Variants in GALNT10 observed in about 807,000 individuals in gnomAD.
GALNT10 encodes polypeptide N-acetylgalactosaminyltransferase 10, also known as GalNAc transferase 10.
Under a neutral mutation model 75.0 loss-of-function variants are expected in GALNT10, and 41 were observed. That is an observed-to-expected ratio of 0.55 (90% CI 0.43 to 0.71). The LOEUF (loss-of-function observed/expected upper bound fraction) is 0.71, where lower values mean the gene tolerates loss of function less well. Among genes scored for constraint, GALNT10 ranks in the 30% least tolerant of loss-of-function variants. The pLI is 0.00. For missense variants in GALNT10, 727 were observed against 818.5 expected, an observed-to-expected ratio of 0.89 and a Z score of 1.36; for synonymous variants, 302 against 313.0, an observed-to-expected ratio of 0.96 and a Z score of 0.37.
chr5:154,333,022 T>A (rs566580195), intron 4 of GALNT10, among the ~76,000 whole-genome samples: 12 of 152,282 alleles, frequency 7.9e-5, no homozygotes, highest in African/African-American at 2.9e-4. Flanking sequence ...TTGTGCCTGC[T>A]CCTCAGAGCA....
chr5:154,339,444 G>A (rs1754996001), intron 4 of GALNT10, among the ~76,000 whole-genome samples: 1 of 150,962 alleles, frequency 6.6e-6, no homozygotes, highest in African/African-American at 2.5e-5. Context: ...AAACCTTTTG[G>A]TGGACATCTG....
At position 154,376,517 on chromosome 5, in the gene GALNT10, T is replaced by G. The variant is rs1455015365; in HGVS notation, c.754+55T>G. On this transcript the variant is annotated intron_variant, in intron 5 of 11. Transcript: ENST00000297107. This position sits in a 1 kb window ranked among gnomAD's most constrained non-coding sequence, Gnocchi z 4.1. The stretch of plus-strand genomic sequence containing the variant: ...GCAAACTGCAATGAGCCAGTGCCAG[T>G]GGCCCCCTCCTGCTGCAGGGAGCCA... 7.5e-7 allele frequency: 1 copy of G among 1,335,606 alleles called. No individual in the cohort carries two copies. Among genetic ancestry groups the G allele is most frequent in the African/African-American group, 1.5e-5 (1 of 67,848 alleles). The allele number at this position is 1,335,606 out of a possible 1,614,324, so 82.7% of individuals were successfully genotyped here.
intron 1 of GALNT10, among the ~76,000 whole-genome samples, chr5:154,230,042 G>A (rs7712631): frequency 0.41 from 62,286 of 151,688 alleles, 13,682 homozygotes; most frequent in East Asian, 0.84. Context: ...AGTCCAGTGG[G>A]AAAAAGGCAG....
intron 3 of GALNT10, among the ~76,000 whole-genome samples, chr5:154,312,452 G>GTATA: frequency 6.6e-6 from 1 of 152,150 alleles, no homozygotes; most frequent in African/African-American, 2.4e-5. Context: ...TGCTTATACA[G>GTATA]TATATAGAGA....
intron 1 of GALNT10, among the ~76,000 whole-genome samples, chr5:154,220,861 A>G (rs1348603000): frequency 6.6e-6 from 1 of 152,162 alleles, no homozygotes; most frequent in African/African-American, 2.4e-5. Flanking sequence ...GCTCCAGCCA[A>G]TTGCTTGGGA....
chr5:154,304,699 A>C (rs1754405866), intron 3 of GALNT10, among the ~76,000 whole-genome samples: 1 of 152,254 alleles, frequency 6.6e-6, no homozygotes, highest in Non-Finnish European at 1.5e-5. Context: ...TTAAAAGATA[A>C]TTGACTGTGT....
At chr5:154,379,232 C>T (rs1452560713) in intron 5 of GALNT10, among the ~76,000 whole-genome samples, 2 of 152,188 alleles carry the variant, frequency 1.3e-5, no homozygotes, top group Non-Finnish European at 2.9e-5. Flanking sequence ...GAAACATGTT[C>T]CTGAAAGAGT....
chr5:154,335,687 A>G (rs1268222113), intron 4 of GALNT10, among the ~76,000 whole-genome samples: 2 of 152,194 alleles, frequency 1.3e-5, no homozygotes, highest in African/African-American at 4.8e-5. Context: ...AACAAAACTA[A>G]GTAAAAAGTA....
intron 1 of GALNT10, among the ~76,000 whole-genome samples, chr5:154,265,656 C>A (rs1208236401): frequency 6.6e-6 from 1 of 152,170 alleles, no homozygotes; most frequent in African/African-American, 2.4e-5. Context: ...GAGCGAACAG[C>A]CTCCTTTTAC....
chr5:154,387,448 G>A (rs909834323), intron 7 of GALNT10: 1 of 152,224 alleles, frequency 6.6e-6, no homozygotes, highest in African/African-American at 2.4e-5. Context: ...TCTGACCCCT[G>A]TGAACACACA....
At chr5:154,283,426 G>A (rs1462553773) in intron 1 of GALNT10, among the ~76,000 whole-genome samples, 1 of 152,074 alleles carries the variant, frequency 6.6e-6, no homozygotes, top group Admixed American at 6.6e-5. Context: ...CTGCAAGCCA[G>A]CCTGGGCAGC....
chr5:154,370,547 G>A (rs1246465257), intron 4 of GALNT10, among the ~76,000 whole-genome samples: 1 of 152,182 alleles, frequency 6.6e-6, no homozygotes, highest in Non-Finnish European at 1.5e-5. Flanking sequence ...CCAGGTAGAA[G>A]GACGAGCACG....
chr5:154,258,253 G>T (rs1305581898), intron 1 of GALNT10, among the ~76,000 whole-genome samples: 1 of 152,140 alleles, frequency 6.6e-6, no homozygotes, highest in South Asian at 2.1e-4. Flanking sequence ...TGTACTGAGA[G>T]CCTGTGTCTC....
intron 1 of GALNT10, among the ~76,000 whole-genome samples, chr5:154,256,121 G>A (rs1445662061): frequency 1.3e-5 from 2 of 152,016 alleles, no homozygotes; most frequent in Non-Finnish European, 2.9e-5. Context: ...CAGGGCTTTG[G>A]GTATGCCACT....
intron 1 of GALNT10, among the ~76,000 whole-genome samples, chr5:154,259,451 T>C (rs181015094): frequency 3.3e-5 from 5 of 152,336 alleles, no homozygotes; most frequent in Non-Finnish European, 5.9e-5. Flanking sequence ...AAAGTTACCA[T>C]TTTCCTCTTT....
At chr5:154,399,805 G>C (rs1379967640) in intron 7 of GALNT10, among the ~76,000 whole-genome samples, 2 of 152,210 alleles carry the variant, frequency 1.3e-5, no homozygotes, top group African/African-American at 4.8e-5. Flanking sequence ...CTGGCCCTGA[G>C]TCTGGCAGGG....
intron 1 of GALNT10, among the ~76,000 whole-genome samples, chr5:154,257,639 C>T (rs1439407897): frequency 1.3e-5 from 2 of 149,796 alleles, no homozygotes; most frequent in African/African-American, 4.9e-5. Flanking sequence ...CACCACTGCA[C>T]TCCAGCTTGG....
At chr5:154,232,303 T>A (rs1753162873) in intron 1 of GALNT10, among the ~76,000 whole-genome samples, 1 of 152,212 alleles carries the variant, frequency 6.6e-6, no homozygotes. Flanking sequence ...TTGGCTATTA[T>A]ATGTGCTTTG....
intron 3 of GALNT10, among the ~76,000 whole-genome samples, chr5:154,299,875 C>G (rs1398413058): frequency 2.0e-5 from 3 of 150,806 alleles, no homozygotes; most frequent in Non-Finnish European, 4.4e-5. Context: ...CGCCCTATCA[C>G]CCAGGCTGGA....
Sources: gnomAD v4.1 joint callset for allele counts (sites outside exome capture counted in the v4.1 genomes callset) on GRCh38, gnomAD v4.1.1 for gene constraint, Gnocchi (gnomAD v3.1) non-coding constraint, MANE v1.5 for transcripts, NCBI Gene and HGNC (gene_info 2026-07-23, HGNC 2026-07-21) for gene names.